Variants in PBX1 observed in about 807,000 individuals in gnomAD.
The protein encoded by PBX1 is PBX homeobox 1.
PBX1 carries 6 observed loss-of-function variants against 53.4 expected under a neutral mutation model. That is an observed-to-expected ratio of 0.11 (90% confidence interval 0.06 to 0.22). The LOEUF (loss-of-function observed/expected upper bound fraction) is 0.22, where lower values mean the gene tolerates loss of function less well. Ranked by LOEUF, PBX1 falls within the 10% of genes least tolerant of loss-of-function variation. The pLI is 1.00. For synonymous variants in PBX1, 204 were observed against 212.3 expected, an observed-to-expected ratio of 0.96 and a Z score of 0.34; for missense variants, 251 against 551.4, an observed-to-expected ratio of 0.46 and a Z score of 5.46.
At chr1:164,843,994 A>C (rs1292941578) in intron 8 of PBX1, among the ~76,000 whole-genome samples, 3 of 152,104 alleles carry the variant, frequency 2.0e-5, no homozygotes, top group Non-Finnish European at 4.4e-5. Flanking sequence ...AATGTAATAG[A>C]ACTCCATTGT....
At chr1:164,648,865 C>T (rs1197728181) in intron 2 of PBX1, among the ~76,000 whole-genome samples, 2 of 152,166 alleles carry the variant, frequency 1.3e-5, no homozygotes, top group Non-Finnish European at 2.9e-5. Context: ...GCCCCAGGGG[C>T]AGGCTTGCAA....
At chr1:164,620,302 A>C (rs1305381749) in intron 2 of PBX1, among the ~76,000 whole-genome samples, 2 of 152,216 alleles carry the variant, frequency 1.3e-5, no homozygotes, top group African/African-American at 4.8e-5. Flanking sequence ...TGTTTTACTT[A>C]TTCAAGCAGA....
chr1:164,653,333 T>A (rs1308286662), intron 2 of PBX1, among the ~76,000 whole-genome samples: 2 of 151,920 alleles, frequency 1.3e-5, no homozygotes, highest in Non-Finnish European at 2.9e-5. Flanking sequence ...ACAATTTTTT[T>A]ATCCAGTCTC....
intron 2 of PBX1, among the ~76,000 whole-genome samples, chr1:164,742,381 A>C (rs981292084): frequency 6.6e-6 from 1 of 152,170 alleles, no homozygotes; most frequent in African/African-American, 2.4e-5. Flanking sequence ...ATGTCTACTA[A>C]AAATACAAAA....
chr1:164,609,584 C>A (rs994598119), intron 2 of PBX1, among the ~76,000 whole-genome samples: 4 of 152,126 alleles, frequency 2.6e-5, no homozygotes, highest in African/African-American at 9.7e-5. Context: ...TTCCACATTT[C>A]TCTGGATCCT....
chr1:164,768,800 T>A (rs926092028), intron 2 of PBX1, among the ~76,000 whole-genome samples: 2 of 152,212 alleles, frequency 1.3e-5, no homozygotes, highest in African/African-American at 4.8e-5. Flanking sequence ...ACGCCTGTAA[T>A]CCCAGCCCTT....
At chr1:164,818,533 G>A (rs1230447612) in intron 6 of PBX1, 1 of 152,138 alleles carries the variant, frequency 6.6e-6, no homozygotes, top group African/African-American at 2.4e-5. Context: ...GGGAAAGAAG[G>A]AATGAGAAGG....
intron 1 of PBX1, chr1:164,562,857 G>A (rs1253608809): frequency 6.5e-6 from 1 of 154,134 alleles, no homozygotes; most frequent in East Asian, 1.9e-4. Flanking sequence ...CTAGGCTGTG[G>A]TCGTTGCATG....
At chr1:164,858,478 C>CAA (rs937615242) in intron 2 of PBX1, among the ~76,000 whole-genome samples, 29 of 149,174 alleles carry the variant, frequency 1.9e-4, no homozygotes, top group African/African-American at 7.2e-4. Flanking sequence ...CACACACACA[C>CAA]GCTGTGGCTG....
chr1:164,789,590 G>T (rs1021871448), intron 2 of PBX1, among the ~76,000 whole-genome samples: 1 of 152,194 alleles, frequency 6.6e-6, no homozygotes, highest in African/African-American at 2.4e-5. Flanking sequence ...GCTCAAGTAG[G>T]CAGTGCTTAA....
chr1:164,668,236 G>A (rs998995916), intron 2 of PBX1, among the ~76,000 whole-genome samples: 2 of 152,142 alleles, frequency 1.3e-5, no homozygotes, highest in African/African-American at 4.8e-5. Flanking sequence ...CAAGCGACCG[G>A]TCTTTCCTAG....
chr1:164,773,683 C>G (rs1667501751), intron 2 of PBX1, among the ~76,000 whole-genome samples: 1 of 152,142 alleles, frequency 6.6e-6, no homozygotes, highest in Non-Finnish European at 1.5e-5. Context: ...GTACCCCACA[C>G]TGCATGGGCC....
intron 2 of PBX1, among the ~76,000 whole-genome samples, chr1:164,668,853 G>A (rs1035370543): frequency 8.5e-5 from 13 of 152,116 alleles, no homozygotes; most frequent in African/African-American, 2.7e-4. Flanking sequence ...AGAGATTTGC[G>A]GAATCTGCGG....
At chr1:164,805,464 G>A (rs1352066518) in intron 4 of PBX1, among the ~76,000 whole-genome samples, 1 of 152,152 alleles carries the variant, frequency 6.6e-6, no homozygotes, top group Non-Finnish European at 1.5e-5. Flanking sequence ...AAGGAGAGAA[G>A]AGCTGGGAAC....
chr1:164,719,588 T>C (rs1345468343), intron 2 of PBX1, among the ~76,000 whole-genome samples: 1 of 152,100 alleles, frequency 6.6e-6, no homozygotes, highest in Non-Finnish European at 1.5e-5. Flanking sequence ...GGCGCAGGCA[T>C]TTGTAGTTTT....
At chr1:164,832,039 T>G (rs1212905380) in intron 8 of PBX1, among the ~76,000 whole-genome samples, 2 of 152,224 alleles carry the variant, frequency 1.3e-5, no homozygotes, top group Admixed American at 6.5e-5. Flanking sequence ...AAATAGAAAC[T>G]TTCTAATAGA....
rs938040240 is a variant in PBX1 at position 164,860,785 on chromosome 1, T to G, written n.257+29302T>G. On this transcript the variant is annotated intron_variant and non_coding_transcript_variant, in intron 2 of 2. Coordinates refer to the PBX1 transcript ENST00000558796. ...GGCTCCCCACATAAATTACTAGAAT[T>G]CAAGGATCCGATCTCCCTCACATAC... Among the ~76,000 whole-genome samples the G allele has an allele frequency of 2.0e-5, 3 of 152,120 alleles. No individual in the cohort carries two copies. In the East Asian group the frequency reaches 5.8e-4, roughly 29 times the overall value.
intron 2 of PBX1, 39 bp from the exon 3 acceptor site, chr1:164,792,455 G>C (rs377380016): frequency 1.2e-6 from 2 of 1,609,634 alleles, no homozygotes; most frequent in African/African-American, 2.7e-5. Context: ...TTCTTTCTTG[G>C]GTTACTATTA....
chr1:164,763,123 A>G (rs2102226391), intron 2 of PBX1, among the ~76,000 whole-genome samples: 1 of 152,372 alleles, frequency 6.6e-6, no homozygotes, highest in Non-Finnish European at 1.5e-5. Flanking sequence ...TGAATGTATT[A>G]GGATTAGGTT....
Sources: gnomAD v4.1 joint callset for allele counts (sites outside exome capture counted in the v4.1 genomes callset) on GRCh38, gnomAD v4.1.1 for gene constraint, MANE v1.5 for transcripts, NCBI Gene and HGNC (gene_info 2026-07-23, HGNC 2026-07-21) for gene names.